PTPRG: variants seen among roughly 807,000 people sequenced by gnomAD.
The protein encoded by PTPRG is protein tyrosine phosphatase receptor type G, also known as receptor-type tyrosine-protein phosphatase gamma.
A neutral mutation model predicts 165.3 loss-of-function variants in PTPRG; 102 were observed. The ratio of observed to expected loss-of-function variants is 0.62; its 90% CI spans 0.53 to 0.73. The LOEUF is 0.73. Ranked by LOEUF, PTPRG falls within the 30% of genes least tolerant of loss-of-function variation. The pLI is 0.00. For synonymous variants in PTPRG, 675 were observed against 669.5 expected, an observed-to-expected ratio of 1.01 and a Z score of -0.13; for missense variants, 1,866 against 1,861.4, an observed-to-expected ratio of 1.00 and a Z score of -0.05.
At chr3:62,218,047 C>G (rs1462103815) in intron 12 of PTPRG, among the ~76,000 whole-genome samples, 1 of 152,018 alleles carries the variant, frequency 6.6e-6, no homozygotes, top group Non-Finnish European at 1.5e-5. Flanking sequence ...GTGATAGGAT[C>G]AAAGGACAAA....
intron 9 of PTPRG, 27 bp downstream of exon 9, chr3:62,191,680 G>A: frequency 6.2e-7 from 1 of 1,604,980 alleles, no homozygotes; most frequent in Non-Finnish European, 8.5e-7. Context: ...CTGATTCAGG[G>A]TACATGCTGC....
chr3:61,813,327 TA>T (rs757811011), intron 2 of PTPRG, among the ~76,000 whole-genome samples: 5,766 of 87,488 alleles, frequency 0.066, 147 homozygotes, highest in South Asian at 0.21. Flanking sequence ...CCATGATTAC[TA>T]AAAAAAAAAA....
intron 2 of PTPRG, among the ~76,000 whole-genome samples, chr3:61,807,949 C>G (rs931523444): frequency 6.6e-6 from 1 of 152,170 alleles, no homozygotes; most frequent in Admixed American, 6.5e-5. Flanking sequence ...GCTCGCAGAC[C>G]GGGGCATCCA....
At chr3:61,905,971 T>A (rs2038638208) in intron 2 of PTPRG, among the ~76,000 whole-genome samples, 2 of 152,218 alleles carry the variant, frequency 1.3e-5, no homozygotes, top group African/African-American at 4.8e-5. Flanking sequence ...AAGAATCATG[T>A]AAGTATTAAT....
intron 2 of PTPRG, among the ~76,000 whole-genome samples, chr3:61,928,427 A>G (rs28546513): frequency 6.6e-4 from 101 of 152,296 alleles, no homozygotes; most frequent in Admixed American, 4.4e-3. Context: ...CCATTTTTTT[A>G]ATCCCCTACT....
intron 14 of PTPRG, among the ~76,000 whole-genome samples, chr3:62,243,234 T>A (rs905358744): frequency 2.0e-5 from 3 of 152,028 alleles, no homozygotes; most frequent in Admixed American, 6.5e-5. Context: ...ACGTAAGGGC[T>A]TCAAGACCTT....
At chr3:62,122,711 G>A (rs947464462) in intron 5 of PTPRG, among the ~76,000 whole-genome samples, 7 of 152,096 alleles carry the variant, frequency 4.6e-5, no homozygotes, top group African/African-American at 1.7e-4. Flanking sequence ...TTTGGGGTTC[G>A]CTCATTATTT....
intron 4 of PTPRG, among the ~76,000 whole-genome samples, chr3:62,009,221 C>T (rs1231728645): frequency 6.6e-6 from 1 of 152,142 alleles, no homozygotes; most frequent in Non-Finnish European, 1.5e-5. Flanking sequence ...GTCTAAAGAG[C>T]ACTGCTGGGT....
At chr3:61,627,780 A>C (rs1016822594) in intron 1 of PTPRG, among the ~76,000 whole-genome samples, 2 of 152,226 alleles carry the variant, frequency 1.3e-5, no homozygotes, top group African/African-American at 4.8e-5. Flanking sequence ...AAGGTCATTA[A>C]AATAAGTTTA....
chr3:61,973,862 G>T (rs1287983249), intron 2 of PTPRG, among the ~76,000 whole-genome samples: 1 of 151,434 alleles, frequency 6.6e-6, no homozygotes, highest in Non-Finnish European at 1.5e-5. Flanking sequence ...ATAAATAAAA[G>T]ATTGGTTTCT....
chr3:61,804,402 A>G (rs1303374103), intron 2 of PTPRG, among the ~76,000 whole-genome samples: 4 of 152,224 alleles, frequency 2.6e-5, no homozygotes, highest in African/African-American at 7.2e-5. Context: ...TTCTTTGTAA[A>G]GGGATGTAAT....
At position 62,159,919 on chromosome 3, in the gene PTPRG, C is replaced by T. The variant is rs146865892; in HGVS notation, c.840+2695C>T. Among the ~76,000 whole-genome samples the T allele has an allele frequency of 6.0e-3, 909 of 152,288 alleles. 8 individuals carry two copies. The highest frequency in any genetic ancestry group is 0.021 in the African/African-American group (864 of 41,564). On this transcript the variant is annotated intron_variant, in intron 7 of 29. Coordinates refer to ENST00000474889, the MANE Select transcript of PTPRG (RefSeq NM_002841.4). ...GTCAGCCCTTGGAAAGGAAAGCATT[C>T]GCCATCCAAGTATTATCGCTTCAGA...
intron 5 of PTPRG, among the ~76,000 whole-genome samples, chr3:62,100,854 G>A (rs770347603): frequency 1.6e-4 from 24 of 152,070 alleles, no homozygotes; most frequent in Non-Finnish European, 2.1e-4. Flanking sequence ...GTTTTGTTTC[G>A]TTTTATTTTG....
chr3:61,844,032 C>T lies in PTPRG; in HGVS notation c.190+95050C>T, dbSNP rs563047705. On this transcript the variant is annotated intron_variant, in intron 2 of 29. Transcript: ENST00000474889. Reference sequence around the variant, plus strand: ...AGGCTGGAGTGCAGTGGCACAATCTCGTCTCACTGCAAATTCCGCCTCCCG... The same window carrying T: ...AGGCTGGAGTGCAGTGGCACAATCTTGTCTCACTGCAAATTCCGCCTCCCG... Among the ~76,000 whole-genome samples the T allele has an allele frequency of 1.9e-3, 286 of 149,120 alleles. 2 individuals are homozygous for T. The highest frequency in any genetic ancestry group is 3.8e-3 in the Admixed American group (57 of 14,920).
chr3:61,800,429 T>G (rs1322299804), intron 2 of PTPRG, among the ~76,000 whole-genome samples: 1 of 151,966 alleles, frequency 6.6e-6, no homozygotes, highest in Admixed American at 6.6e-5. Context: ...TTGGAGAGTT[T>G]CCCAAGGAGG....
intron 4 of PTPRG, among the ~76,000 whole-genome samples, chr3:62,034,401 A>G (rs1012075423): frequency 1.3e-5 from 2 of 152,208 alleles, no homozygotes; most frequent in Non-Finnish European, 2.9e-5. Flanking sequence ...AGGTGAGGCT[A>G]CCAGCCTTGG....
At chr3:62,117,837 A>G (rs1057125422) in intron 5 of PTPRG, among the ~76,000 whole-genome samples, 7 of 152,220 alleles carry the variant, frequency 4.6e-5, no homozygotes, top group African/African-American at 1.7e-4. Flanking sequence ...AATACATCCT[A>G]GTATAATTGT....
chr3:61,709,728 C>G (rs534305381), intron 1 of PTPRG, among the ~76,000 whole-genome samples: 7 of 152,288 alleles, frequency 4.6e-5, no homozygotes, highest in African/African-American at 1.7e-4. Context: ...AATGCCTCCT[C>G]TTGACTATTA....
At chr3:61,621,807 G>A (rs1261309267) in intron 1 of PTPRG, among the ~76,000 whole-genome samples, 2 of 152,142 alleles carry the variant, frequency 1.3e-5, no homozygotes, top group South Asian at 2.1e-4. Context: ...GGGCAAGCTG[G>A]TAAGTTCCTC....
Sources: gnomAD v4.1 joint callset for allele counts (sites outside exome capture counted in the v4.1 genomes callset) on GRCh38, gnomAD v4.1.1 for gene constraint, MANE v1.5 for transcripts, NCBI Gene and HGNC (gene_info 2026-07-23, HGNC 2026-07-21) for gene names.